Variants in DNAJB4 observed in about 807,000 individuals in gnomAD.
DNAJB4 encodes the protein dnaJ homolog subfamily B member 4.
DNAJB4 carries 10 observed loss-of-function variants against 26.6 expected under a neutral mutation model. That is an observed-to-expected ratio of 0.38 (90% confidence interval 0.23 to 0.64). DNAJB4 has a LOEUF of 0.64. Ranked by LOEUF, DNAJB4 falls within the 30% of genes least tolerant of loss-of-function variation. The pLI, the probability that DNAJB4 is intolerant of heterozygous loss-of-function variation, is 0.58. For missense variants in DNAJB4, 328 were observed against 408.2 expected (o/e 0.80, Z 1.69); for synonymous variants, 136 against 134.8 (o/e 1.01, Z -0.06).
intron 1 of DNAJB4, among the ~76,000 whole-genome samples, chr1:77,999,587 G>T (rs1042464163): frequency 5.9e-5 from 9 of 152,074 alleles, no homozygotes; most frequent in Non-Finnish European, 1.2e-4. Context: ...AACTTCCTGA[G>T]TCAAAGGAGA....
At chr1:77,984,460 C>CTT (rs1045953892) in intron 1 of DNAJB4, among the ~76,000 whole-genome samples, 1 of 150,066 alleles carries the variant, frequency 6.7e-6, no homozygotes, top group Non-Finnish European at 1.5e-5. Flanking sequence ...TTCTTTCTTT[C>CTT]TTTTTTTTTC....
At position 78,017,892 on chromosome 1, in the gene DNAJB4, T is replaced by A. The variant is rs1393470937; in HGVS notation, c.*1645T>A. On this transcript the variant is annotated 3_prime_UTR_variant, in exon 3 of 3. Transcript: ENST00000370763. ...GTCATATGGATATACCACAATTTGT[T>A]TATCTTTTCATTAATTATGGGCATT... 3 of 152,130 alleles carry A rather than the reference T, an allele frequency of 2.0e-5. No individual in the cohort carries two copies. The highest frequency in any genetic ancestry group is 2.9e-5 in the Non-Finnish European group (2 of 67,988). The allele number at this position is 152,130 out of a possible 1,614,324, so 9.4% of individuals were successfully genotyped here. A position where few individuals can be genotyped will look rare whatever the true frequency, so the allele number is the denominator to read the frequency against.
upstream of DNAJB4, among the ~76,000 whole-genome samples, chr1:77,979,884 T>TTG (rs368637984): frequency 0.011 from 1,663 of 152,116 alleles, 23 homozygotes; most frequent in African/African-American, 0.036. Flanking sequence ...AAGGGTTTTT[T>TTG]TTTGTTTGTT....
intron 1 of DNAJB4, among the ~76,000 whole-genome samples, chr1:77,983,155 A>T (rs931169865): frequency 3.9e-5 from 6 of 152,246 alleles, no homozygotes; most frequent in Non-Finnish European, 7.3e-5. Context: ...CATCATAGAC[A>T]AGGTAAAGGA....
At chr1:77,987,141 T>C (rs796249680) in intron 1 of DNAJB4, among the ~76,000 whole-genome samples, 1 of 152,226 alleles carries the variant, frequency 6.6e-6, no homozygotes, top group East Asian at 1.9e-4. Flanking sequence ...CCCACTTTCC[T>C]AGTAATAGTT....
rs761489987 is a variant in DNAJB4, at chr1:78,013,449, A to C, written c.610A>C (p.Ile204Leu). 5.6e-6 allele frequency: 9 copies of C among 1,614,066 alleles called. No homozygotes were observed. The highest frequency in any genetic ancestry group is 6.8e-6 in the Non-Finnish European group (8 of 1,180,044). ...TGAGGACAAAATTCTTACCATTGAGATTAAAAAAGGGTGGAAAGAAGGCAC... is the reference window on the plus strand; with the variant it reads ...TGAGGACAAAATTCTTACCATTGAGCTTAAAAAAGGGTGGAAAGAAGGCAC... ...RSEDKILTIE[I>L]KKGWKEGTKI... The change falls in exon 2 of 3, where the codon ATT (isoleucine) becomes CTT (leucine). Residue 204 changes from isoleucine to leucine, a missense_variant. Physicochemically the swap from Ile to Leu is conservative, Grantham distance 5. Coordinates refer to ENST00000370763, the MANE Select transcript of DNAJB4 (RefSeq NM_007034.5).
At chr1:78,000,150 G>A (rs1295194012), upstream of DNAJB4, among the ~76,000 whole-genome samples, 1 of 152,144 alleles carries the variant, frequency 6.6e-6, no homozygotes, top group East Asian at 1.9e-4. Context: ...GTGAGTGTGT[G>A]TGCATGTATG....
chr1:78,015,450 CTTTT>C (rs34355321), intron 2 of DNAJB4, among the ~76,000 whole-genome samples: 3 of 114,392 alleles, frequency 2.6e-5, no homozygotes, highest in Non-Finnish European at 5.6e-5. Context: ...TTTTCTTCTT[CTTTT>C]TTTTTTTTTT....
At chr1:77,982,074 T>A (rs927999556) in intron 1 of DNAJB4, among the ~76,000 whole-genome samples, 1 of 152,254 alleles carries the variant, frequency 6.6e-6, no homozygotes, top group Non-Finnish European at 1.5e-5. Flanking sequence ...CTTAAATAAC[T>A]GGCCTTATCA....
chr1:77,981,165 T>TC (rs1659628524), intron 1 of DNAJB4: 1 of 150,078 alleles, frequency 6.7e-6, no homozygotes, highest in East Asian at 1.9e-4. Flanking sequence ...GACCTCAATT[T>TC]TTTTTTTTTT....
At chr1:77,998,389 T>C (rs1660113812) in intron 1 of DNAJB4, among the ~76,000 whole-genome samples, 1 of 152,232 alleles carries the variant, frequency 6.6e-6, no homozygotes, top group Non-Finnish European at 1.5e-5. Flanking sequence ...ACTACTGTCA[T>C]TGCCTAAAAA....
chr1:78,004,526 G>A (rs1016733106), upstream of DNAJB4: 3 of 144,026 alleles, frequency 2.1e-5, no homozygotes, highest in African/African-American at 4.9e-5. Context: ...ATACTTAACA[G>A]ACAAATAGCT....
chr1:77,997,333 ATCT>A (rs1660086158), intron 1 of DNAJB4, among the ~76,000 whole-genome samples: 18 of 146,240 alleles, frequency 1.2e-4, no homozygotes, highest in African/African-American at 4.2e-4. Flanking sequence ...AAAAAAAAAA[ATCT>A]ATATCTATAT....
In DNAJB4 at chr1:78,013,351, T is replaced by G. The variant is rs921031244; in HGVS notation, c.512T>G (p.Ile171Arg). The change falls in exon 2 of 3, where the codon ATA (isoleucine) becomes AGA (arginine). Residue 171 changes from isoleucine (I) to arginine (R), a missense_variant. By Grantham distance (97) the Ile-to-Arg change is moderately conservative. Coordinates refer to ENST00000370763, the MANE Select transcript of DNAJB4 (RefSeq NM_007034.5). ...GAACTTAGAGTATCACTTGAAGAGA[T>G]ATATAGTGGTTGTACCAAACGGATG... is the stretch of plus-strand genomic sequence containing the variant. ...IHELRVSLEE[I>R]YSGCTKRMKI... is the part of the protein sequence containing the mutation. The G allele has an allele frequency of 1.2e-6, 2 of 1,614,144 alleles. No individual in the cohort carries two copies. The highest frequency in any genetic ancestry group is 1.7e-6 in the Non-Finnish European group (2 of 1,180,030).
rs577032839 is a variant in DNAJB4 at position 78,017,342 on chromosome 1, A to G, written c.*1095A>G. On this transcript the variant is annotated 3_prime_UTR_variant, in exon 3 of 3. Coordinates refer to ENST00000370763, the MANE Select transcript of DNAJB4 (RefSeq NM_007034.5). Reference sequence around the variant, plus strand: ...TAGTTTTGTTTTCTGTTTTATAACTATAGTGAGAATGATGTTTTGAAGCAA... The same window carrying G: ...TAGTTTTGTTTTCTGTTTTATAACTGTAGTGAGAATGATGTTTTGAAGCAA... 1 of 152,058 alleles carries G rather than the reference A, an allele frequency of 6.6e-6. No individual in the cohort carries two copies. Among genetic ancestry groups the G allele is most frequent in the South Asian group, 2.1e-4 (1 of 4,820 alleles). 9.4% of individuals were successfully genotyped at this position (152,058 alleles called of 1,614,324 possible).
chr1:78,013,554 G>C lies in DNAJB4; in HGVS notation c.715G>C (p.Asp239His). The change falls in exon 2 of 3, where the codon GAT becomes CAT. Residue 239 changes from aspartate (D) to histidine (H), a missense_variant. Transcript: ENST00000370763. ...ADIVFIIKDKDHPKFKRDGSN... is the reference protein window; with the variant it reads ...ADIVFIIKDKHHPKFKRDGSN... ...CATTGTTTTTATCATTAAAGACAAA[G>C]ATCATCCAAAATTTAAAAGGGATGG... The C allele has an allele frequency of 1.2e-6, 2 of 1,611,026 alleles. No individual in the cohort carries two copies. Among genetic ancestry groups the C allele is most frequent in the African/African-American group, 2.7e-5 (2 of 74,846 alleles).
chr1:77,994,745 A>G (rs1384354211), intron 1 of DNAJB4, among the ~76,000 whole-genome samples: 1 of 152,206 alleles, frequency 6.6e-6, no homozygotes, highest in East Asian at 1.9e-4. Flanking sequence ...ACAATTAAAC[A>G]TTGTGAAAGT....
intron 1 of DNAJB4, among the ~76,000 whole-genome samples, chr1:77,993,661 G>A (rs896120429): frequency 6.6e-6 from 1 of 152,112 alleles, no homozygotes; most frequent in African/African-American, 2.4e-5. Flanking sequence ...GTATTATACT[G>A]TTTTATCCTT....
At chr1:78,007,575 C>CT (rs1660362081) in intron 1 of DNAJB4, among the ~76,000 whole-genome samples, 1 of 151,646 alleles carries the variant, frequency 6.6e-6, no homozygotes, top group African/African-American at 2.4e-5. Flanking sequence ...AGCGAGACCT[C>CT]ATCTCAAAAA....
Sources: allele counts gnomAD v4.1 joint callset (sites outside exome capture counted in the v4.1 genomes callset), GRCh38; gene constraint gnomAD v4.1.1; transcripts MANE v1.5; gene names NCBI Gene and HGNC (gene_info 2026-07-23, HGNC 2026-07-21).